Variants in UBP1 observed in about 807,000 individuals in gnomAD.
The protein encoded by UBP1 is upstream binding protein 1, also known as upstream-binding protein 1.
A neutral mutation model predicts 76.1 loss-of-function variants in UBP1; 22 were observed. The observed-to-expected ratio is 0.29, with a 90% CI of 0.21 to 0.41. UBP1 has a LOEUF of 0.41. UBP1 is among the 10% of genes least tolerant of loss of function. UBP1 has a pLI of 1.00. For synonymous variants in UBP1, 224 were observed against 237.1 expected (o/e 0.94, Z 0.51); for missense variants, 436 against 668.1 (o/e 0.65, Z 3.83).
intron 2 of UBP1, among the ~76,000 whole-genome samples, chr3:33,421,505 C>T (rs1394413313): frequency 2.0e-5 from 3 of 152,020 alleles, no homozygotes; most frequent in South Asian, 2.1e-4. Context: ...CTTAACCTCA[C>T]GTGATCTGCC....
intron 8 of UBP1, among the ~76,000 whole-genome samples, chr3:33,408,414 G>A (rs929229884): frequency 2.6e-5 from 4 of 152,120 alleles, no homozygotes; most frequent in African/African-American, 4.8e-5. Flanking sequence ...AAGGGAAGGA[G>A]TCAGGGAGGG....
chr3:33,438,503 G>C (rs533706466), intron 1 of UBP1, among the ~76,000 whole-genome samples: 1 of 152,148 alleles, frequency 6.6e-6, no homozygotes, highest in Admixed American at 6.6e-5. Flanking sequence ...CTCAACAACT[G>C]AAACAGCTGT....
intron 1 of UBP1, 129 bp from the exon 2 acceptor site, chr3:33,425,870 T>C: frequency 1.3e-6 from 1 of 771,016 alleles, no homozygotes; most frequent in Non-Finnish European, 1.8e-6. Flanking sequence ...GGATAGTTTT[T>C]TTTTTAAGAT....
At chr3:33,425,996 A>AATAAATATATATATAT (rs1404753322) in intron 1 of UBP1, among the ~76,000 whole-genome samples, 3 of 55,138 alleles carry the variant, frequency 5.4e-5, no homozygotes, top group African/African-American at 2.6e-4. Flanking sequence ...GGCAGCTCTG[A>AATAAATATATATATAT]ATATATATAT....
rs145968547 is a variant in UBP1 at position 33,433,082 on chromosome 3, AC to A, written c.113+6653del. ...CAGAGTTTTTTGTTTTTTTTTTGAG[AC>A]GGAGTCTCACTCTGTCGCCCAGGCT... On this transcript the variant is annotated intron_variant, in intron 1 of 15. Transcript: ENST00000283629. 2.5e-4 allele frequency among the ~76,000 whole-genome samples: 38 copies of A among 151,352 alleles called. No individual in the cohort carries two copies. In the East Asian group the frequency reaches 5.9e-3, roughly 24 times the overall value.
At chr3:33,415,860 C>T (rs1157397199) in intron 3 of UBP1, 1 of 152,142 alleles carries the variant, frequency 6.6e-6, no homozygotes, top group Non-Finnish European at 1.5e-5. Context: ...CCTTTGGTAA[C>T]CCATCATTTG....
At chr3:33,400,054 G>A (rs2044163151) in intron 11 of UBP1, 135 bp downstream of exon 11, 1 of 491,196 alleles carries the variant, frequency 2.0e-6, no homozygotes, top group Non-Finnish European at 3.4e-6. Context: ...TAGATATAAA[G>A]AACTTCTCTG....
chr3:33,413,524 G>A lies in UBP1; in HGVS notation c.343-697C>T, dbSNP rs1206234636. Among the ~76,000 whole-genome samples, 3 of 144,398 alleles carry A rather than the reference G, an allele frequency of 2.1e-5. No homozygotes were observed. In the East Asian group the frequency reaches 6.1e-4, roughly 30 times the overall value. 94.7% of individuals were successfully genotyped at this position (144,398 alleles called of 152,430 possible). On this transcript the variant is annotated intron_variant, in intron 3 of 15. Coordinates refer to ENST00000283629, the MANE Select transcript of UBP1 (RefSeq NM_014517.5). The stretch of plus-strand genomic sequence containing the variant: ...TTCGCACCACTGCACTCCAGCCTAG[G>A]TGACAGAGCGAGACTCCATCACAAA...
chr3:33,422,338 C>T (rs1209333356), intron 2 of UBP1, among the ~76,000 whole-genome samples: 3 of 151,354 alleles, frequency 2.0e-5, no homozygotes, highest in African/African-American at 7.3e-5. Flanking sequence ...CCCAGGAGTA[C>T]AAAAACAGCC....
chr3:33,399,393 G>A (rs773211744), intron 11 of UBP1, among the ~76,000 whole-genome samples: 4 of 151,966 alleles, frequency 2.6e-5, no homozygotes, highest in African/African-American at 4.8e-5. Context: ...CATTCCCTTA[G>A]CTTACTGTGC....
chr3:33,426,972 T>C (rs570733938), intron 1 of UBP1, among the ~76,000 whole-genome samples: 2 of 152,336 alleles, frequency 1.3e-5, no homozygotes, highest in African/African-American at 4.8e-5. Context: ...AACTTTATTT[T>C]ACTTATTTTA....
intron 4 of UBP1, among the ~76,000 whole-genome samples, chr3:33,412,314 G>T (rs2044607230): frequency 6.6e-6 from 1 of 151,664 alleles, no homozygotes; most frequent in Non-Finnish European, 1.5e-5. Flanking sequence ...AACTCTCTCG[G>T]TTCTTTATAA....
Position 33,440,004 on chromosome 3 carries a change from C to T in UBP1, c.-156G>A, listed in dbSNP as rs952461660. 51 of 703,480 alleles carry T rather than the reference C, an allele frequency of 7.2e-5. No individual in the cohort carries two copies. The African/African-American group carries it at 9.4e-4, about 13-fold the overall frequency. 43.6% of individuals were successfully genotyped at this position (703,480 alleles called of 1,614,324 possible). ...GCGGCCGGGACGAGAGCTGCGGGGG[C>T]CCCACTGGCAGGGCACGACGAGCCC... On this transcript the variant is annotated 5_prime_UTR_variant, in exon 1 of 16. Coordinates refer to ENST00000283629, the MANE Select transcript of UBP1 (RefSeq NM_014517.5).
At chr3:33,403,940 G>C (rs1242271010) in intron 8 of UBP1, among the ~76,000 whole-genome samples, 1 of 152,058 alleles carries the variant, frequency 6.6e-6, no homozygotes, top group Non-Finnish European at 1.5e-5. Context: ...TCTAACTATA[G>C]CCCTGGGGTT....
intron 8 of UBP1, 88 bp from the exon 9 acceptor site, chr3:33,402,992 A>G: frequency 2.6e-6 from 3 of 1,141,220 alleles, no homozygotes; most frequent in Non-Finnish European, 3.8e-6. Context: ...AACCAAATGC[A>G]AGATTATAAA....
intron 13 of UBP1, among the ~76,000 whole-genome samples, chr3:33,394,478 A>G (rs1188218417): frequency 6.6e-6 from 1 of 151,130 alleles, no homozygotes; most frequent in Non-Finnish European, 1.5e-5. Context: ...AATATAAACA[A>G]TGAAGTGTGA....
chr3:33,390,121 G>C lies in UBP1; in HGVS notation c.*210C>G. On this transcript the variant is annotated 3_prime_UTR_variant, in exon 16 of 16. Coordinates refer to ENST00000283629, the MANE Select transcript of UBP1 (RefSeq NM_014517.5). ...TCCAGAGCTGGATGCATGCTGTGCC[G>C]ATGTGCTCACTCTCATGAGGATGCT... 1.8e-6 allele frequency: 1 copy of C among 564,876 alleles called. No individual in the cohort carries two copies. The highest frequency in any genetic ancestry group is 3.2e-6 in the Non-Finnish European group (1 of 314,686). 35.0% of individuals were successfully genotyped at this position (564,876 alleles called of 1,614,324 possible). A position where few individuals can be genotyped will look rare whatever the true frequency, so the allele number is the denominator to read the frequency against.
intron 1 of UBP1, among the ~76,000 whole-genome samples, chr3:33,433,137 T>G (rs138358343): frequency 6.6e-6 from 1 of 151,204 alleles, no homozygotes; most frequent in East Asian, 2.0e-4. Flanking sequence ...CTCAGCTCAC[T>G]GCAACCTCCA....
At chr3:33,393,162 T>A in intron 14 of UBP1, 150 bp downstream of exon 14, 1 of 889,936 alleles carries the variant, frequency 1.1e-6, no homozygotes, top group Non-Finnish European at 1.6e-6. Flanking sequence ...AACTCTTGGT[T>A]ATAAGTTCTT....
Sources: allele counts gnomAD v4.1 joint callset (sites outside exome capture counted in the v4.1 genomes callset), GRCh38; gene constraint gnomAD v4.1.1; transcripts MANE v1.5; gene names NCBI Gene and HGNC (gene_info 2026-07-23, HGNC 2026-07-21).